Variants in TMEM272 observed in about 807,000 individuals in gnomAD.
TMEM272 encodes transmembrane protein 272.
In TMEM272, 8 loss-of-function variants were observed where a neutral mutation model predicts 3.7. The observed-to-expected ratio is 2.17, with a 90% confidence interval of 1.27 to 3.91. TMEM272 has a LOEUF of 3.91. Ranked by LOEUF, TMEM272 falls within the 30% of genes most tolerant of loss-of-function variation. TMEM272 has a pLI of 0.00. For synonymous variants in TMEM272, 63 were observed against 39.8 expected, an observed-to-expected ratio of 1.58 and a Z score of -2.20; for missense variants, 166 against 91.5, an observed-to-expected ratio of 1.81 and a Z score of -3.32.
At chr13:51,875,208 C>T in the TMEM272 span, among the ~76,000 whole-genome samples, 3 of 152,162 alleles carry the variant, frequency 2.0e-5, no homozygotes, top group African/African-American at 7.2e-5. Context: ...TGAAGTGGTG[C>T]TAGTATTAGC....
At chr13:51,908,360 C>T in the TMEM272 span, 2 of 1,495,594 alleles carry the variant, frequency 1.3e-6, no homozygotes, top group Non-Finnish European at 1.9e-6. Context: ...GAGGAAAACC[C>T]CTCGGTGGAC....
chr13:51,863,672 G>GACACACACACACAGAC, the TMEM272 span, among the ~76,000 whole-genome samples: 1 of 134,298 alleles, frequency 7.4e-6, no homozygotes, highest in Admixed American at 7.6e-5. Flanking sequence ...CGCGCACACA[G>GACACACACACACAGAC]ACACACACAC....
upstream of TMEM272, among the ~76,000 whole-genome samples, chr13:51,848,787 T>C (rs920834819): frequency 2.0e-5 from 3 of 152,192 alleles, no homozygotes; most frequent in Non-Finnish European, 4.4e-5. Context: ...GGGACACTGA[T>C]GAGTGTTCAC....
the TMEM272 span, among the ~76,000 whole-genome samples, chr13:51,851,639 CT>C: frequency 6.6e-6 from 1 of 151,100 alleles, no homozygotes; most frequent in Non-Finnish European, 1.5e-5. Context: ...ATTCTCCTGC[CT>C]CAGCCTCCTG....
the TMEM272 span, among the ~76,000 whole-genome samples, chr13:51,860,980 C>G: frequency 6.6e-6 from 1 of 151,738 alleles, no homozygotes; most frequent in Non-Finnish European, 1.5e-5. Context: ...GAAATTGCAG[C>G]ATGTATATAA....
At chr13:51,890,484 A>C in the TMEM272 span, among the ~76,000 whole-genome samples, 1 of 152,182 alleles carries the variant, frequency 6.6e-6, no homozygotes, top group Non-Finnish European at 1.5e-5. Flanking sequence ...GAGTGGAAGC[A>C]GCCCAGGACC....
chr13:51,889,642 GTT>G, the TMEM272 span, among the ~76,000 whole-genome samples: 1 of 150,778 alleles, frequency 6.6e-6, no homozygotes, highest in African/African-American at 2.4e-5. Context: ...GTGTGGGGGG[GTT>G]TTGTTTGTTT....
At chr13:51,877,433 T>C in the TMEM272 span, among the ~76,000 whole-genome samples, 6 of 152,326 alleles carry the variant, frequency 3.9e-5, no homozygotes, top group African/African-American at 1.4e-4. Flanking sequence ...CTTGAGAGAA[T>C]GGGCCATAAT....
chr13:51,905,651 G>A, the TMEM272 span, among the ~76,000 whole-genome samples: 1 of 152,206 alleles, frequency 6.6e-6, no homozygotes, highest in East Asian at 1.9e-4. Context: ...CCTGCCACAG[G>A]TCCCTGTAAA....
At chr13:51,850,974 G>T in the TMEM272 span, among the ~76,000 whole-genome samples, 1 of 152,152 alleles carries the variant, frequency 6.6e-6, no homozygotes, top group Non-Finnish European at 1.5e-5. Context: ...TGTGCCCTAG[G>T]ATCATGTGAC....
the TMEM272 span, among the ~76,000 whole-genome samples, chr13:51,901,918 C>T: frequency 6.6e-6 from 1 of 152,198 alleles, no homozygotes; most frequent in Non-Finnish European, 1.5e-5. Flanking sequence ...CAGTCCAGAG[C>T]AAAAACGCCA....
At chr13:51,858,784 C>T in the TMEM272 span, among the ~76,000 whole-genome samples, 3 of 152,118 alleles carry the variant, frequency 2.0e-5, no homozygotes, top group Admixed American at 6.5e-5. Flanking sequence ...TGTTAACAGG[C>T]CCCCATCTCA....
chr13:51,870,540 T>C, the TMEM272 span, among the ~76,000 whole-genome samples: 1 of 152,002 alleles, frequency 6.6e-6, no homozygotes, highest in Non-Finnish European at 1.5e-5. Flanking sequence ...CAAGTCCCGA[T>C]AAAACACAGA....
At chr13:51,859,863 G>A in the TMEM272 span, among the ~76,000 whole-genome samples, 1 of 151,846 alleles carries the variant, frequency 6.6e-6, no homozygotes, top group East Asian at 1.9e-4. Context: ...TATATAAAGG[G>A]GGAAAAGCAG....
the TMEM272 span, among the ~76,000 whole-genome samples, chr13:51,850,963 G>C: frequency 6.6e-6 from 1 of 152,214 alleles, no homozygotes; most frequent in Non-Finnish European, 1.5e-5. Flanking sequence ...AGTCAAAGAA[G>C]TGTGCCCTAG....
chr13:51,909,354 T>C, the TMEM272 span: 2 of 872,248 alleles, frequency 2.3e-6, no homozygotes, highest in South Asian at 1.3e-5. Context: ...CTCCAGCTCT[T>C]CAGTGGCATG....
At chr13:51,853,754 A>G in the TMEM272 span, among the ~76,000 whole-genome samples, 1 of 152,242 alleles carries the variant, frequency 6.6e-6, no homozygotes, top group African/African-American at 2.4e-5. Context: ...TGATATATGA[A>G]AAAGCAAGCC....
the TMEM272 span, among the ~76,000 whole-genome samples, chr13:51,918,809 T>TG: frequency 7.0e-6 from 1 of 142,162 alleles, no homozygotes; most frequent in Non-Finnish European, 1.5e-5. Context: ...AATTCTTTTT[T>TG]TTTTTTTTTT....
At chr13:51,920,818 C>T in the TMEM272 span, among the ~76,000 whole-genome samples, 2 of 152,182 alleles carry the variant, frequency 1.3e-5, no homozygotes, top group South Asian at 2.1e-4. Context: ...TTGTCTGAAT[C>T]GTTTCTTGGC....
Sources: gnomAD v4.1 joint callset for allele counts (sites outside exome capture counted in the v4.1 genomes callset) on GRCh38, gnomAD v4.1.1 for gene constraint, MANE v1.5 for transcripts, NCBI Gene and HGNC (gene_info 2026-07-23, HGNC 2026-07-21) for gene names.